Variants in FUBP3 observed in about 807,000 individuals in gnomAD.
FUBP3 encodes the protein far upstream element-binding protein 3.
Under a neutral mutation model 85.6 loss-of-function variants are expected in FUBP3, and 28 were observed. That is an observed-to-expected ratio of 0.33 (90% CI 0.24 to 0.45). The LOEUF is 0.45. Ranked by LOEUF, FUBP3 falls within the 20% of genes least tolerant of loss-of-function variation. The pLI is 1.00. For missense variants in FUBP3, 583 were observed against 755.1 expected (o/e 0.77, Z 2.67); for synonymous variants, 271 against 271.4 (o/e 1.00, Z 0.01).
intron 1 of FUBP3, among the ~76,000 whole-genome samples, chr9:130,585,534 G>A (rs914666515): frequency 1.3e-5 from 2 of 152,198 alleles, no homozygotes; most frequent in Non-Finnish European, 2.9e-5. Flanking sequence ...AAGATCTTCC[G>A]TGGAAAAGAG....
chr9:130,624,635 GT>G (rs1829893892), intron 11 of FUBP3, among the ~76,000 whole-genome samples: 1 of 150,912 alleles, frequency 6.6e-6, no homozygotes. Context: ...GTGTGTGTGT[GT>G]GTGTGTGTGT....
intron 1 of FUBP3, among the ~76,000 whole-genome samples, chr9:130,588,544 C>T (rs1412323975): frequency 6.6e-6 from 1 of 152,142 alleles, no homozygotes; most frequent in African/African-American, 2.4e-5. Flanking sequence ...AAATAGCAAG[C>T]ATTTCTGGTT....
intron 1 of FUBP3, among the ~76,000 whole-genome samples, chr9:130,591,016 T>G (rs1830601523): frequency 4.7e-5 from 1 of 21,152 alleles, no homozygotes; most frequent in Non-Finnish European, 8.5e-5. Flanking sequence ...TTTGTTTTTG[T>G]TTTTTTTTTG....
chr9:130,633,530 G>A (rs1477832354), intron 16 of FUBP3, among the ~76,000 whole-genome samples: 1 of 152,256 alleles, frequency 6.6e-6, no homozygotes, highest in Non-Finnish European at 1.5e-5. Flanking sequence ...GGCTGAGGAA[G>A]GGAGAGTGCA....
Position 130,630,701 on chromosome 9 carries a change from C to T in FUBP3, c.1191C>T (p.Asn397=). The T allele has an allele frequency of 1.3e-6, 2 of 1,596,710 alleles. No individual in the cohort carries two copies. The highest frequency in any genetic ancestry group is 2.7e-5 in the African/African-American group (2 of 73,546). ...AGCTTCAGAGGAACCCCCCTCCCAA[C>T]AGCGACCCCAACCTGCGGAGATTCA... ...HVELQRNPPP[N]SDPNLRRFTI... is the part of the protein sequence containing the mutation. Residue 397 remains asparagine (N), a synonymous_variant, in exon 13 of 19, where the codon AAC becomes AAT. Coordinates refer to ENST00000319725, the MANE Select transcript of FUBP3 (RefSeq NM_003934.2).
At chr9:130,620,548 TAGTTA>T in intron 9 of FUBP3, 90 bp downstream of exon 9, 1 of 606,524 alleles carries the variant, frequency 1.6e-6, no homozygotes, top group East Asian at 3.0e-5. Flanking sequence ...CTGAGCAAGT[TAGTTA>T]AGTTTTGTCT....
In FUBP3 at chr9:130,606,764, A is replaced by G. The variant is rs572895935; in HGVS notation, c.191-3190A>G. ...GAACCCAGGAGGCAGAGGTTGTGGT[A>G]AGCCGAGATCACGCCTTTGCACTCC... is the stretch of plus-strand genomic sequence containing the variant. On this transcript the variant is annotated intron_variant, in intron 2 of 18. Transcript: ENST00000319725. Among the ~76,000 whole-genome samples, 13 of 152,126 alleles carry G rather than the reference A, an allele frequency of 8.5e-5. No homozygotes were observed. In the South Asian group the frequency reaches 1.7e-3, roughly 19 times the overall value.
chr9:130,634,192 C>T (rs1830326605), intron 16 of FUBP3, among the ~76,000 whole-genome samples: 1 of 152,236 alleles, frequency 6.6e-6, no homozygotes, highest in Non-Finnish European at 1.5e-5. Context: ...TTCCCTCTGC[C>T]CTACCCCAGC....
intron 2 of FUBP3, among the ~76,000 whole-genome samples, chr9:130,600,508 T>C (rs1831103652): frequency 6.6e-6 from 1 of 152,096 alleles, no homozygotes; most frequent in Admixed American, 6.5e-5. Flanking sequence ...TTTTCTTTCT[T>C]TTTTTTAAAG....
intron 1 of FUBP3, among the ~76,000 whole-genome samples, chr9:130,584,031 C>T (rs184211271): frequency 6.6e-6 from 1 of 152,124 alleles, no homozygotes; most frequent in African/African-American, 2.4e-5. Flanking sequence ...ACCGTGCCCC[C>T]ATGCCTGGCT....
At chr9:130,603,022 A>G (rs1258455026) in intron 2 of FUBP3, among the ~76,000 whole-genome samples, 1 of 152,088 alleles carries the variant, frequency 6.6e-6, no homozygotes, top group East Asian at 1.9e-4. Context: ...GGAGAATCCC[A>G]AGGTAACAAA....
chr9:130,618,261 T>C (rs888912360), intron 8 of FUBP3, among the ~76,000 whole-genome samples: 3 of 152,198 alleles, frequency 2.0e-5, no homozygotes, highest in Non-Finnish European at 2.9e-5. Context: ...GGTTTTTTGT[T>C]TTGTTTCCCC....
At chr9:130,591,547 T>C (rs1006365729) in intron 1 of FUBP3, among the ~76,000 whole-genome samples, 5 of 152,200 alleles carry the variant, frequency 3.3e-5, no homozygotes, top group African/African-American at 1.2e-4. Context: ...AGTATATTGC[T>C]TCTTTACAGA....
At chr9:130,629,949 G>T (rs565829659) in intron 12 of FUBP3, among the ~76,000 whole-genome samples, 1 of 152,340 alleles carries the variant, frequency 6.6e-6, no homozygotes, top group South Asian at 2.1e-4. Context: ...TTCATTAAGA[G>T]ACTGAGACTC....
Position 130,630,397 on chromosome 9 carries a change from G to T in FUBP3, c.1118-231G>T, listed in dbSNP as rs1830163759. 3.3e-5 allele frequency among the ~76,000 whole-genome samples: 5 copies of T among 152,316 alleles called. No homozygotes were observed. The South Asian group carries it at 1.0e-3, about 32-fold the overall frequency. ...CACATGGCATCTGTGGCCTCAGCTT[G>T]GCCTTGAGAGAAAGTCCAGCTTCAC... On this transcript the variant is annotated intron_variant, in intron 12 of 18. Coordinates refer to ENST00000319725, the MANE Select transcript of FUBP3 (RefSeq NM_003934.2).
intron 1 of FUBP3, among the ~76,000 whole-genome samples, chr9:130,585,226 C>T (rs1381036274): frequency 6.6e-6 from 1 of 152,206 alleles, no homozygotes; most frequent in Non-Finnish European, 1.5e-5. Context: ...ACAGCCTGCA[C>T]AGCGATAATC....
At chr9:130,621,336 A>G (rs533896639) in intron 9 of FUBP3, among the ~76,000 whole-genome samples, 2 of 152,144 alleles carry the variant, frequency 1.3e-5, no homozygotes, top group Non-Finnish European at 2.9e-5. Flanking sequence ...CAAAAAAAAA[A>G]GTATTTTAAA....
intron 11 of FUBP3, among the ~76,000 whole-genome samples, chr9:130,625,273 C>T (rs1438205382): frequency 2.0e-5 from 3 of 152,200 alleles, no homozygotes; most frequent in Non-Finnish European, 2.9e-5. Context: ...ACCTTTTCTT[C>T]GAGATCTGTG....
At chr9:130,627,311 G>C (rs1335021493) in intron 12 of FUBP3, among the ~76,000 whole-genome samples, 1 of 152,232 alleles carries the variant, frequency 6.6e-6, no homozygotes, top group Non-Finnish European at 1.5e-5. Flanking sequence ...TTGTCACTGG[G>C]TTTCGTATTT....
Sources: allele counts gnomAD v4.1 joint callset (sites outside exome capture counted in the v4.1 genomes callset), GRCh38; gene constraint gnomAD v4.1.1; transcripts MANE v1.5; gene names NCBI Gene and HGNC (gene_info 2026-07-23, HGNC 2026-07-21).